The following TNFRSF10A variants were observed in gnomAD, a reference collection of about 807,000 sequenced individuals.
TNFRSF10A encodes the protein TNF receptor superfamily member 10a.
TNFRSF10A carries 44 observed loss-of-function variants against 42.8 expected under a neutral mutation model. The ratio of observed to expected loss-of-function variants is 1.03; its 90% CI spans 0.81 to 1.32. The LOEUF (loss-of-function observed/expected upper bound fraction) is 1.32, where lower values mean the gene tolerates loss of function less well. Ranked by LOEUF, TNFRSF10A falls within the 40% of genes most tolerant of loss-of-function variation. The pLI is 0.00. For synonymous variants in TNFRSF10A, 259 were observed against 234.2 expected (o/e 1.11, Z -0.97); for missense variants, 680 against 602.0 (o/e 1.13, Z -1.36).
At chr8:23,200,919 T>G (rs6557628) in intron 4 of TNFRSF10A, among the ~76,000 whole-genome samples, 159 bp from the exon 5 acceptor site, 33,171 of 152,124 alleles carry the variant, frequency 0.22, 4,448 homozygotes, top group African/African-American at 0.37. Context: ...CTCCCTTGTT[T>G]AGGCTGGGGA....
intron 6 of TNFRSF10A, among the ~76,000 whole-genome samples, 188 bp downstream of exon 6, chr8:23,200,317 A>G (rs979714084): frequency 1.2e-4 from 19 of 152,098 alleles, no homozygotes; most frequent in Admixed American, 2.6e-4. Context: ...CAGCCTTGGG[A>G]GAGGGACGGA....
intron 8 of TNFRSF10A, 139 bp downstream of exon 8, chr8:23,199,127 G>T: frequency 1.0e-6 from 1 of 958,654 alleles, no homozygotes; most frequent in East Asian, 2.6e-5. Flanking sequence ...CCTTGTGAGG[G>T]TGGCTGCTTT....
intron 2 of TNFRSF10A, among the ~76,000 whole-genome samples, chr8:23,205,968 G>T (rs548775549): frequency 6.6e-6 from 1 of 151,932 alleles, no homozygotes; most frequent in Admixed American, 6.6e-5. Context: ...CGCCTGCCTT[G>T]GCCTCCCAAA....
In TNFRSF10A at chr8:23,224,809, G is replaced by C. The variant is rs1290686565; in HGVS notation, c.253C>G (p.Arg85Gly). The C allele has an allele frequency of 1.6e-5, 25 of 1,567,366 alleles. No homozygotes were observed. Among genetic ancestry groups the C allele is most frequent in the Non-Finnish European group, 2.1e-5 (24 of 1,156,250 alleles). ...TTGAAGGTCTTGTGGACCCGGAGCC[G>C]AGGGCTGGCTTCCCGCGCCGGCCTG... ...GPRPAREASP[R>G]LRVHKTFKFV... The change falls in exon 1 of 10, where the codon CGG becomes GGG. Residue 85 changes from arginine (R) to glycine (G), a missense_variant. Transcript: ENST00000221132.
intron 1 of TNFRSF10A, among the ~76,000 whole-genome samples, chr8:23,222,172 C>T (rs1352633021): frequency 2.6e-5 from 4 of 152,116 alleles, no homozygotes; most frequent in Non-Finnish European, 4.4e-5. Flanking sequence ...CCACCGCACC[C>T]GGCCACACTT....
In TNFRSF10A at chr8:23,225,048, G is replaced by A. The variant is rs1204911382; in HGVS notation, c.14C>T (p.Pro5Leu). Residue 5 changes from proline (P) to leucine (L), a missense_variant, in exon 1 of 10, where the codon CCA (proline) becomes CTA (leucine). Transcript: ENST00000221132. Reference sequence around the variant, plus strand: ...GAACGCACCTAGATGTACTCTAGCTGGTGGTGGCGCCATCCTGCCAGGTCA... The same window carrying A: ...GAACGCACCTAGATGTACTCTAGCTAGTGGTGGCGCCATCCTGCCAGGTCA... MAPP[P>L]ARVHLGAFLA... The A allele has an allele frequency of 2.0e-6, 3 of 1,530,728 alleles. No individual in the cohort carries two copies. The highest frequency in any genetic ancestry group is 2.6e-6 in the Non-Finnish European group (3 of 1,138,914). The allele number at this position is 1,530,728 out of a possible 1,614,324, so 94.8% of individuals were successfully genotyped here.
Position 23,224,919 on chromosome 8 carries a change from C to G in TNFRSF10A, c.143G>C (p.Arg48Pro). The G allele has an allele frequency of 6.3e-7, 1 of 1,598,730 alleles. No homozygotes were observed. The highest frequency in any genetic ancestry group is 8.5e-7 in the Non-Finnish European group (1 of 1,172,932). Reference protein sequence around the residue: ...WGSSAGRIEPRGGGRGALPTS... With the variant: ...WGSSAGRIEPPGGGRGALPTS... ...AGGGAGCGCTCCTCGGCCCCCGCCTCGTGGTTCAATCCTCCCCGCGGAAGA... is the reference window on the plus strand; with the variant it reads ...AGGGAGCGCTCCTCGGCCCCCGCCTGGTGGTTCAATCCTCCCCGCGGAAGA... The change falls in exon 1 of 10, where the codon CGA (arginine) becomes CCA (proline). Residue 48 changes from arginine to proline, a missense_variant. Transcript: ENST00000221132.
intron 1 of TNFRSF10A, among the ~76,000 whole-genome samples, chr8:23,213,117 T>C (rs781293947): frequency 2.0e-5 from 3 of 152,220 alleles, no homozygotes; most frequent in Non-Finnish European, 2.9e-5. Context: ...TGATTGAATA[T>C]TGGTAGGTAG....
chr8:23,196,417 C>T (rs911650009), intron 9 of TNFRSF10A, among the ~76,000 whole-genome samples: 7 of 152,094 alleles, frequency 4.6e-5, no homozygotes, highest in African/African-American at 1.4e-4. Context: ...AGGATGGTCT[C>T]GATCTCCTGA....
At chr8:23,209,605 A>G (rs779389670) in intron 2 of TNFRSF10A, among the ~76,000 whole-genome samples, 1 of 152,218 alleles carries the variant, frequency 6.6e-6, no homozygotes, top group Non-Finnish European at 1.5e-5. Context: ...TGGAGCTTTA[A>G]GATCTGACTG....
intron 2 of TNFRSF10A, 87 bp from the exon 3 acceptor site, chr8:23,202,848 C>G: frequency 2.3e-6 from 2 of 855,118 alleles, no homozygotes; most frequent in South Asian, 2.8e-5. Flanking sequence ...TTCTTTTGGC[C>G]ATCAGTAGAC....
Position 23,224,748 on chromosome 8 carries a change from G to A in TNFRSF10A, c.306+8C>T, listed in dbSNP as rs761162924. ...TTTTCCCCAGGCAGGACCGCGGTGG[G>A]GACTCACCTGCAGCAGGACCCCGAC... On this transcript the variant is annotated splice_region_variant and intron_variant, in intron 1 of 9. Coordinates refer to ENST00000221132, the MANE Select transcript of TNFRSF10A (RefSeq NM_003844.4). 1 of 1,560,690 alleles carries A rather than the reference G, an allele frequency of 6.4e-7. No homozygotes were observed. Among genetic ancestry groups the A allele is most frequent in the African/African-American group, 1.4e-5 (1 of 73,850 alleles).
chr8:23,224,822 C>A lies in TNFRSF10A; in HGVS notation c.240G>T (p.Arg80=). Residue 80 remains arginine (R), a synonymous_variant, in exon 1 of 10, where the codon CGG becomes CGT. Transcript: ENST00000221132. ...GGACCCGGAGCCGAGGGCTGGCTTC[C>A]CGCGCCGGCCTGGGTCCTGGGGCGC... is the stretch of plus-strand genomic sequence containing the variant. ...AGRAPGPRPA[R]EASPRLRVHK... 1.3e-6 allele frequency: 2 copies of A among 1,565,636 alleles called. No individual in the cohort carries two copies. Among genetic ancestry groups the A allele is most frequent in the Non-Finnish European group, 1.7e-6 (2 of 1,155,472 alleles).
At chr8:23,207,674 G>C (rs1029267724) in intron 2 of TNFRSF10A, among the ~76,000 whole-genome samples, 8 of 152,140 alleles carry the variant, frequency 5.3e-5, no homozygotes, top group Admixed American at 5.2e-4. Context: ...TTCCCTTGCA[G>C]TTCTCATGAT....
chr8:23,198,147 C>T (rs1800850438), intron 8 of TNFRSF10A, among the ~76,000 whole-genome samples: 1 of 151,666 alleles, frequency 6.6e-6, no homozygotes, highest in South Asian at 2.1e-4. Context: ...TAAGGAGGGA[C>T]CCAAAGCAGA....
chr8:23,199,197 C>T, intron 8 of TNFRSF10A, 69 bp downstream of exon 8: 1 of 1,558,414 alleles, frequency 6.4e-7, no homozygotes, highest in African/African-American at 1.4e-5. Context: ...TCCCCTTTGA[C>T]CAGGAGAGCC....
chr8:23,199,779 T>C, intron 7 of TNFRSF10A, 107 bp downstream of exon 7: 5 of 1,489,926 alleles, frequency 3.4e-6, no homozygotes, highest in Non-Finnish European at 4.7e-6. Context: ...CTTCAGAGAC[T>C]CAGGGCAGCC....
At chr8:23,193,868 C>T (rs1800787061) in intron 9 of TNFRSF10A, among the ~76,000 whole-genome samples, 1 of 152,112 alleles carries the variant, frequency 6.6e-6, no homozygotes, top group Non-Finnish European at 1.5e-5. Flanking sequence ...TCCAATATTG[C>T]TTGGAAACTG....
chr8:23,198,967 G>C (rs574110671), intron 8 of TNFRSF10A, among the ~76,000 whole-genome samples: 1 of 152,336 alleles, frequency 6.6e-6, no homozygotes, highest in East Asian at 1.9e-4. Flanking sequence ...CCTAACTTCT[G>C]TAGGAGCACA....
Sources: gnomAD v4.1 joint callset for allele counts (sites outside exome capture counted in the v4.1 genomes callset) on GRCh38, gnomAD v4.1.1 for gene constraint, MANE v1.5 for transcripts, NCBI Gene and HGNC (gene_info 2026-07-23, HGNC 2026-07-21) for gene names.